PDE7B: variants seen among roughly 807,000 people sequenced by gnomAD.
PDE7B encodes the protein 3',5'-cyclic-AMP phosphodiesterase 7B.
A neutral mutation model predicts 56.2 loss-of-function variants in PDE7B; 29 were observed. The ratio of observed to expected loss-of-function variants is 0.52; its 90% CI spans 0.38 to 0.70. PDE7B has a LOEUF of 0.70. Among genes scored for constraint, PDE7B ranks in the 30% least tolerant of loss-of-function variants. The probability of loss-of-function intolerance (pLI) is 0.00; values close to 1 mark genes in which losing one functional copy is unlikely to be tolerated. For synonymous variants in PDE7B, 197 were observed against 196.9 expected, an observed-to-expected ratio of 1.00 and a Z score of 0.00; for missense variants, 490 against 565.0, an observed-to-expected ratio of 0.87 and a Z score of 1.35.
At chr6:135,941,789 A>G (rs1204085273) in intron 1 of PDE7B, among the ~76,000 whole-genome samples, 1 of 152,174 alleles carries the variant, frequency 6.6e-6, no homozygotes, top group African/African-American at 2.4e-5. Flanking sequence ...ACTCAGGCAA[A>G]CCTCCAAGCA....
chr6:135,931,973 A>G (rs1478398080), intron 1 of PDE7B, among the ~76,000 whole-genome samples: 2 of 152,046 alleles, frequency 1.3e-5, no homozygotes, highest in Non-Finnish European at 2.9e-5. Context: ...ACACACACAC[A>G]CACACACACA....
chr6:136,017,111 C>A (rs1371449304), intron 2 of PDE7B, among the ~76,000 whole-genome samples: 2 of 152,090 alleles, frequency 1.3e-5, no homozygotes, highest in Non-Finnish European at 2.9e-5. Flanking sequence ...TCAAATAGTC[C>A]TTGAAGTACA....
chr6:135,942,856 C>T (rs560828782), intron 1 of PDE7B, among the ~76,000 whole-genome samples: 1 of 149,382 alleles, frequency 6.7e-6, no homozygotes, highest in Non-Finnish European at 1.5e-5. Flanking sequence ...TAATAATATT[C>T]CATTGTGTGT....
intron 2 of PDE7B, among the ~76,000 whole-genome samples, chr6:136,001,329 A>AC (rs2128206109): frequency 1.3e-5 from 2 of 152,366 alleles, no homozygotes; most frequent in African/African-American, 4.8e-5. Flanking sequence ...CCTCACCAGC[A>AC]ACGGAACAAA....
At chr6:136,168,897 C>T (rs1319605314) in intron 8 of PDE7B, among the ~76,000 whole-genome samples, 1 of 152,086 alleles carries the variant, frequency 6.6e-6, no homozygotes, top group African/African-American at 2.4e-5. Context: ...TGAGCAACAA[C>T]TATAGGTAAT....
At chr6:136,079,726 C>CAAAA (rs35447604) in intron 2 of PDE7B, among the ~76,000 whole-genome samples, 2 of 94,400 alleles carry the variant, frequency 2.1e-5, no homozygotes, top group Non-Finnish European at 4.6e-5. Context: ...ATTAGGAAGA[C>CAAAA]AAAAAAAAAA....
intron 2 of PDE7B, among the ~76,000 whole-genome samples, chr6:136,026,034 C>T (rs1315562115): frequency 1.3e-5 from 2 of 151,960 alleles, no homozygotes. Context: ...TCACCAATGT[C>T]ACATCATCAT....
rs189684682 is a variant in PDE7B at position 135,958,188 on chromosome 6, C to T, written c.82+10664C>T. 2.6e-3 allele frequency among the ~76,000 whole-genome samples: 394 copies of T among 152,176 alleles called. 2 individuals carry two copies. Among genetic ancestry groups the T allele is most frequent in the Non-Finnish European group, 3.2e-3 (219 of 68,002 alleles). On this transcript the variant is annotated intron_variant, in intron 2 of 12. Transcript: ENST00000308191. ...CAGAGGTTGCAGTGAGCCTAGATCG[C>T]GCCACTGCACTCCAGCCTGGGTGAC...
rs537334018 is a variant in PDE7B at position 136,078,770 on chromosome 6, A to G, written c.83-29961A>G. Among the ~76,000 whole-genome samples, 16 of 152,292 alleles carry G rather than the reference A, an allele frequency of 1.1e-4. 1 individual carries two copies. The highest frequency in any genetic ancestry group is 3.6e-4 in the African/African-American group (15 of 41,576). The stretch of plus-strand genomic sequence containing the variant: ...TTTAGAAAGTACATATACATTTTAA[A>G]CTTAATAATGTTGAAAGATATGCAC... On this transcript the variant is annotated intron_variant, in intron 2 of 12. Transcript: ENST00000308191.
At chr6:136,111,287 T>TAACTA (rs1777743310) in intron 3 of PDE7B, among the ~76,000 whole-genome samples, 1 of 152,216 alleles carries the variant, frequency 6.6e-6, no homozygotes, top group South Asian at 2.1e-4. Context: ...GATCATTTAC[T>TAACTA]AACTATAGTT....
intron 1 of PDE7B, among the ~76,000 whole-genome samples, chr6:135,943,527 C>T (rs1047398064): frequency 2.0e-5 from 3 of 152,222 alleles, no homozygotes; most frequent in Non-Finnish European, 4.4e-5. Context: ...GTCAAACATC[C>T]AGTAAGCTGT....
chr6:136,069,009 T>A (rs1351790765), intron 2 of PDE7B, among the ~76,000 whole-genome samples: 1 of 152,134 alleles, frequency 6.6e-6, no homozygotes, highest in African/African-American at 2.4e-5. Context: ...TTAATGTCAG[T>A]GCTGGTCACC....
At chr6:136,093,479 G>C (rs762539943) in intron 2 of PDE7B, among the ~76,000 whole-genome samples, 1 of 152,198 alleles carries the variant, frequency 6.6e-6, no homozygotes, top group Non-Finnish European at 1.5e-5. Context: ...TAAAATACAT[G>C]TATTTGTATG....
intron 3 of PDE7B, among the ~76,000 whole-genome samples, chr6:136,116,660 C>T (rs1777836128): frequency 6.6e-6 from 1 of 152,130 alleles, no homozygotes; most frequent in Non-Finnish European, 1.5e-5. Flanking sequence ...ATGGTAAGCT[C>T]CACTGGGACA....
intron 2 of PDE7B, among the ~76,000 whole-genome samples, chr6:135,957,302 A>G (rs1388751747): frequency 6.6e-6 from 1 of 152,152 alleles, no homozygotes; most frequent in African/African-American, 2.4e-5. Context: ...GTTACAAGAA[A>G]TATAAAAAAA....
chr6:136,137,894 T>C (rs1413815279), intron 3 of PDE7B, among the ~76,000 whole-genome samples: 1 of 152,274 alleles, frequency 6.6e-6, no homozygotes, highest in East Asian at 1.9e-4. Context: ...TGTAGATATC[T>C]GTGATATTTA....
chr6:136,102,660 G>A (rs1018780874), intron 2 of PDE7B, among the ~76,000 whole-genome samples: 11 of 152,058 alleles, frequency 7.2e-5, no homozygotes, highest in African/African-American at 2.7e-4. Context: ...ACTGCTTCTT[G>A]TTCAGTATCT....
intron 2 of PDE7B, among the ~76,000 whole-genome samples, chr6:135,975,239 C>A (rs189308145): frequency 6.6e-6 from 1 of 151,148 alleles, no homozygotes; most frequent in Non-Finnish European, 1.5e-5. Flanking sequence ...ATACAGATTT[C>A]TTTCTTTTAA....
At chr6:135,947,571 G>A (rs760832774) in intron 2 of PDE7B, 47 bp downstream of exon 2, 1 of 1,372,746 alleles carries the variant, frequency 7.3e-7, no homozygotes, top group Admixed American at 1.7e-5. Flanking sequence ...TTGATGTCAT[G>A]TGGAGTTATC....
Sources: gnomAD v4.1 joint callset for allele counts (sites outside exome capture counted in the v4.1 genomes callset) on GRCh38, gnomAD v4.1.1 for gene constraint, MANE v1.5 for transcripts, NCBI Gene and HGNC (gene_info 2026-07-23, HGNC 2026-07-21) for gene names.